Variants in CPNE2 observed in about 807,000 individuals in gnomAD.
The protein encoded by CPNE2 is copine 2.
A neutral mutation model predicts 69.7 loss-of-function variants in CPNE2; 42 were observed. That is an observed-to-expected ratio of 0.60 (90% confidence interval 0.47 to 0.78). The LOEUF (loss-of-function observed/expected upper bound fraction) is 0.78, where lower values mean the gene tolerates loss of function less well. CPNE2 is among the 30% of genes least tolerant of loss of function. CPNE2 has a pLI of 0.00. For missense variants in CPNE2, 587 were observed against 732.0 expected, an observed-to-expected ratio of 0.80 and a Z score of 2.29; for synonymous variants, 294 against 289.8, an observed-to-expected ratio of 1.01 and a Z score of -0.15.
chr16:57,134,966 G>A (rs1253761514), intron 13 of CPNE2, 140 bp downstream of exon 13: 6 of 920,572 alleles, frequency 6.5e-6, no homozygotes, highest in Non-Finnish European at 8.4e-6. Flanking sequence ...GTGACAGAGG[G>A]GGAAGAGCTG....
At chr16:57,094,886 T>G (rs1433888405) in intron 1 of CPNE2, among the ~76,000 whole-genome samples, 1 of 152,142 alleles carries the variant, frequency 6.6e-6, no homozygotes, top group Non-Finnish European at 1.5e-5. Context: ...CACAGGGCTC[T>G]AAGGAGTGAA....
intron 2 of CPNE2, 184 bp from the exon 3 acceptor site, chr16:57,113,104 A>G: frequency 3.3e-6 from 2 of 600,386 alleles, no homozygotes; most frequent in Non-Finnish European, 5.8e-6. Flanking sequence ...TGGGGAAGTC[A>G]CTTAACCTCT....
intron 1 of CPNE2, among the ~76,000 whole-genome samples, chr16:57,102,495 C>T (rs965598159): frequency 6.6e-6 from 1 of 152,152 alleles, no homozygotes; most frequent in Non-Finnish European, 1.5e-5. Flanking sequence ...AATCCCTAGT[C>T]CCCCGTCACT....
At chr16:57,093,531 T>TC (rs1176405536) in intron 1 of CPNE2, among the ~76,000 whole-genome samples, 3 of 151,502 alleles carry the variant, frequency 2.0e-5, no homozygotes, top group Non-Finnish European at 2.9e-5. Flanking sequence ...TCGCTCCACG[T>TC]CCCCCCGAGT....
rs750444825 is a variant in CPNE2, at chr16:57,110,831, T to G, written c.89T>G (p.Val30Gly). ...QYCVCKVELS[V>G]SGQNLLDRDV... ...TGCGTGTGCAAGGTGGAGCTGTCAG[T>G]GAGTGGCCAGAACCTACTGGACCGG... The change falls in exon 2 of 16, where the codon GTG becomes GGG. Residue 30 changes from valine to glycine, a missense_variant. Val to Gly is a moderately radical substitution (Grantham distance 109). Transcript: ENST00000290776. 2.5e-6 allele frequency: 4 copies of G among 1,613,916 alleles called. No individual in the cohort carries two copies. Among genetic ancestry groups the G allele is most frequent in the Non-Finnish European group, 3.4e-6 (4 of 1,179,874 alleles).
At chr16:57,142,072 T>G (rs2069926319) in intron 14 of CPNE2, 2 of 152,262 alleles carry the variant, frequency 1.3e-5, no homozygotes, top group Admixed American at 1.3e-4. Context: ...AGGGCTGCAC[T>G]CTCCCATTCA....
chr16:57,107,690 G>A (rs1032336407), intron 1 of CPNE2, among the ~76,000 whole-genome samples: 3 of 152,054 alleles, frequency 2.0e-5, no homozygotes, highest in Non-Finnish European at 2.9e-5. Flanking sequence ...TTTTAAAAAC[G>A]CAAATCAGAT....
At chr16:57,113,167 G>T in intron 2 of CPNE2, 121 bp from the exon 3 acceptor site, 1 of 902,112 alleles carries the variant, frequency 1.1e-6, no homozygotes. Flanking sequence ...CACTGACGAT[G>T]ACCACAAGAG....
chr16:57,134,441 G>A (rs2069861806), intron 12 of CPNE2, among the ~76,000 whole-genome samples: 1 of 152,174 alleles, frequency 6.6e-6, no homozygotes, highest in Non-Finnish European at 1.5e-5. Flanking sequence ...GAGCATCCTG[G>A]AACCCTGGCC....
intron 13 of CPNE2, among the ~76,000 whole-genome samples, chr16:57,135,839 A>G (rs2069875272): frequency 7.0e-6 from 1 of 142,118 alleles, no homozygotes; most frequent in South Asian, 2.3e-4. Flanking sequence ...ATGTCACTGC[A>G]CTCCAGCCTG....
chr16:57,130,318 G>A lies in CPNE2; in HGVS notation c.1116+2415G>A, dbSNP rs2069828614. ...CCCTGGAGCCCAGTGAGCTATGAGT[G>A]CACTGCACTCCAGCCTGGGTGACAG... On this transcript the variant is annotated intron_variant, in intron 12 of 15. Transcript: ENST00000290776. The surrounding 1 kb of genome is among the most constrained non-coding windows in gnomAD (Gnocchi z 4.1). Among the ~76,000 whole-genome samples, 1 of 151,252 alleles carries A rather than the reference G, an allele frequency of 6.6e-6. No homozygotes were observed. Among genetic ancestry groups the A allele is most frequent in the African/African-American group, 2.4e-5 (1 of 41,102 alleles).
At chr16:57,112,277 A>G (rs1004990504) in intron 2 of CPNE2, among the ~76,000 whole-genome samples, 16 of 152,166 alleles carry the variant, frequency 1.1e-4, no homozygotes, top group Non-Finnish European at 2.1e-4. Context: ...GAGGTGGGAC[A>G]TGGGGCCAGC....
At chr16:57,103,404 G>A (rs2069627884) in intron 1 of CPNE2, among the ~76,000 whole-genome samples, 3 of 152,184 alleles carry the variant, frequency 2.0e-5, no homozygotes, top group South Asian at 4.1e-4. Context: ...GATCATAAGC[G>A]TGGGCTGCCA....
chr16:57,115,192 T>C (rs1347439333), intron 3 of CPNE2, among the ~76,000 whole-genome samples: 1 of 152,094 alleles, frequency 6.6e-6, no homozygotes, highest in Non-Finnish European at 1.5e-5. Context: ...CTCCCACAGT[T>C]GTCTCCAAAA....
intron 1 of CPNE2, chr16:57,106,175 G>C (rs1292067712): frequency 2.0e-5 from 3 of 152,798 alleles, no homozygotes; most frequent in African/African-American, 4.8e-5. Flanking sequence ...CAGCCAGAGG[G>C]TGAGTTGGAG....
rs751238028 is a variant in CPNE2, at chr16:57,119,170, AC to A, written c.508-22del. 9.3e-6 allele frequency: 15 copies of A among 1,605,696 alleles called. No individual in the cohort carries two copies. The African/African-American group carries it at 1.9e-4, about 20-fold the overall frequency. On this transcript the variant is annotated intron_variant, in intron 5 of 15. Transcript: ENST00000290776. ...AACCTAGCAGGGCTGTACCTCTCTC[AC>A]CCGCATCCTCCCACTTCTCCCAGGA...
chr16:57,113,356 C>T lies in CPNE2; in HGVS notation c.249C>T (p.Tyr83=). The T allele has an allele frequency of 6.2e-7, 1 of 1,614,202 alleles. No homozygotes were observed. The highest frequency in any genetic ancestry group is 8.5e-7 in the Non-Finnish European group (1 of 1,180,022). Residue 83 remains tyrosine, a synonymous_variant, in exon 3 of 16, where the codon TAC becomes TAT. Transcript: ENST00000290776. The part of the protein sequence containing the change: ...PAFSKKFVLD[Y]HFEEVQKLKF... Reference sequence around the variant, plus strand: ...TCTCCAAGAAGTTCGTGCTTGACTACCACTTCGAGGAGGTACAGAAGCTCA... The same window carrying T: ...TCTCCAAGAAGTTCGTGCTTGACTATCACTTCGAGGAGGTACAGAAGCTCA...
chr16:57,109,493 A>G (rs1449790800), intron 1 of CPNE2, among the ~76,000 whole-genome samples: 1 of 150,906 alleles, frequency 6.6e-6, no homozygotes, highest in Non-Finnish European at 1.5e-5. Flanking sequence ...AAAAAAAAAG[A>G]AAGTAAAGGA....
intron 1 of CPNE2, among the ~76,000 whole-genome samples, chr16:57,099,262 G>A (rs769257561): frequency 2.6e-5 from 4 of 152,186 alleles, no homozygotes; most frequent in Admixed American, 6.5e-5. Context: ...AGACCCATCC[G>A]TGTTATTGCT....
Sources: gnomAD v4.1 joint callset for allele counts (sites outside exome capture counted in the v4.1 genomes callset) on GRCh38, gnomAD v4.1.1 for gene constraint, Gnocchi (gnomAD v3.1) non-coding constraint, MANE v1.5 for transcripts, NCBI Gene and HGNC (gene_info 2026-07-23, HGNC 2026-07-21) for gene names.